Variants in TCF7L2 observed in about 807,000 individuals in gnomAD.
TCF7L2 encodes transcription factor 7-like 2.
In TCF7L2, 23 loss-of-function variants were observed where a neutral mutation model predicts 77.9. The ratio of observed to expected loss-of-function variants is 0.30; its 90% confidence interval spans 0.21 to 0.42. The LOEUF (loss-of-function observed/expected upper bound fraction) is 0.42, where lower values mean the gene tolerates loss of function less well. Ranked by LOEUF, TCF7L2 falls within the 10% of genes least tolerant of loss-of-function variation. The pLI is 1.00. For missense variants in TCF7L2, 654 were observed against 793.1 expected (o/e 0.82, Z 2.11); for synonymous variants, 413 against 340.2 (o/e 1.21, Z -2.36).
At chr10:113,127,843 G>A in intron 5 of TCF7L2, among the ~76,000 whole-genome samples, 1 of 144,802 alleles carries the variant, frequency 6.9e-6, no homozygotes, top group Admixed American at 6.9e-5. Flanking sequence ...TGTCTAGCAT[G>A]AGTTAGCTTA....
intron 4 of TCF7L2, among the ~76,000 whole-genome samples, chr10:112,991,523 GA>G (rs938937371): frequency 8.3e-5 from 12 of 144,214 alleles, no homozygotes; most frequent in Non-Finnish European, 1.5e-4. Flanking sequence ...AAAAAAGAAA[GA>G]AAAAAAAAGA....
chr10:113,072,497 G>C (rs1290681039), intron 5 of TCF7L2, among the ~76,000 whole-genome samples: 2 of 152,162 alleles, frequency 1.3e-5, no homozygotes, highest in Non-Finnish European at 2.9e-5. Flanking sequence ...TGGGATTACA[G>C]GCGTGTGCCA....
At chr10:113,123,686 T>C (rs1180244448) in intron 5 of TCF7L2, among the ~76,000 whole-genome samples, 2 of 152,218 alleles carry the variant, frequency 1.3e-5, no homozygotes, top group Non-Finnish European at 2.9e-5. Flanking sequence ...AAGTGAATCA[T>C]ATCTAGGCAA....
chr10:113,061,510 C>G (rs1465923462), intron 5 of TCF7L2, among the ~76,000 whole-genome samples: 1 of 152,126 alleles, frequency 6.6e-6, no homozygotes, highest in Non-Finnish European at 1.5e-5. Flanking sequence ...CCTCTTATGT[C>G]TAGGTGTGAG....
chr10:113,017,855 C>G (rs1317424544), intron 4 of TCF7L2, among the ~76,000 whole-genome samples: 1 of 152,214 alleles, frequency 6.6e-6, no homozygotes, highest in Non-Finnish European at 1.5e-5. Context: ...AACAGAGTTA[C>G]GTTTCTATTC....
intron 4 of TCF7L2, among the ~76,000 whole-genome samples, chr10:113,000,308 T>C (rs925292049): frequency 2.2e-4 from 33 of 152,130 alleles, no homozygotes; most frequent in African/African-American, 8.0e-4. Flanking sequence ...TTTGTCTAAT[T>C]CACTACCCAG....
chr10:113,053,874 AT>A (rs2054885574), intron 5 of TCF7L2, among the ~76,000 whole-genome samples: 1 of 152,206 alleles, frequency 6.6e-6, no homozygotes, highest in Non-Finnish European at 1.5e-5. Context: ...TGAGGGGAGG[AT>A]GACGTACTCA....
intron 3 of TCF7L2, among the ~76,000 whole-genome samples, chr10:112,953,622 C>T (rs1234103488): frequency 2.0e-5 from 3 of 152,154 alleles, no homozygotes; most frequent in Non-Finnish European, 2.9e-5. Context: ...TTTCTTGACT[C>T]TTTTTAAACT....
chr10:113,023,085 A>G (rs1427929612), intron 4 of TCF7L2, among the ~76,000 whole-genome samples: 1 of 152,166 alleles, frequency 6.6e-6, no homozygotes, highest in African/African-American at 2.4e-5. Context: ...GGGGCCGAGA[A>G]GAGGGCTTCT....
At chr10:112,962,115 G>C (rs543937057) in intron 3 of TCF7L2, among the ~76,000 whole-genome samples, 1 of 152,122 alleles carries the variant, frequency 6.6e-6, no homozygotes, top group South Asian at 2.1e-4. Flanking sequence ...ACCACAGTTT[G>C]ATTAATTTAT....
chr10:113,071,894 A>G (rs1348392878), intron 5 of TCF7L2, among the ~76,000 whole-genome samples: 1 of 152,172 alleles, frequency 6.6e-6, no homozygotes, highest in Admixed American at 6.5e-5. Flanking sequence ...GCTGGCTGGG[A>G]CTGTGGATGC....
chr10:112,961,040 G>A, intron 3 of TCF7L2, among the ~76,000 whole-genome samples: 1 of 150,992 alleles, frequency 6.6e-6, no homozygotes, highest in South Asian at 2.1e-4. Flanking sequence ...TTGAGACGGA[G>A]TTTTGCTCTT....
At position 113,152,377 on chromosome 10, in the gene TCF7L2, G is replaced by A. The variant is rs760896260; in HGVS notation, c.1206G>A (p.Leu402=). The A allele has an allele frequency of 4.0e-5, 65 of 1,614,080 alleles. No individual in the cohort carries two copies. The highest frequency in any genetic ancestry group is 5.2e-5 in the Non-Finnish European group (61 of 1,180,046). Residue 402 remains leucine, a synonymous_variant, in exon 11 of 14, where the codon CTG becomes CTA. Transcript: ENST00000627217. ...AAGAGCAAGCGAAATACTACGAGCT[G>A]GCCCGGAAGGAGCGACAGCTTCATA... is the stretch of plus-strand genomic sequence containing the variant.
intron 5 of TCF7L2, among the ~76,000 whole-genome samples, chr10:113,130,792 T>A (rs1458961001): frequency 6.6e-6 from 1 of 151,606 alleles, no homozygotes; most frequent in East Asian, 1.9e-4. Context: ...TGAGACGGAG[T>A]TTCGCTCTTA....
chr10:113,089,726 TA>T (rs2135623584), intron 5 of TCF7L2, among the ~76,000 whole-genome samples: 1 of 152,286 alleles, frequency 6.6e-6, no homozygotes, highest in Non-Finnish European at 1.5e-5. Context: ...ATCATAGCCA[TA>T]AAAACGCCTG....
In TCF7L2 at chr10:112,979,771, A is replaced by G. The variant is rs545085167; in HGVS notation, c.450+15147A>G. 3.3e-5 allele frequency among the ~76,000 whole-genome samples: 5 copies of G among 152,088 alleles called. No individual in the cohort carries two copies. In the South Asian group the frequency reaches 1.0e-3, roughly 32 times the overall value. On this transcript the variant is annotated intron_variant, in intron 4 of 13. Coordinates refer to ENST00000627217, the MANE Select transcript of TCF7L2 (RefSeq NM_001146274.2). ...ACCCTGTCTCAAAAAAAAATAAAAAAAATAAAAAAAATAAACGAAGACCTC... is the reference window on the plus strand; with the variant it reads ...ACCCTGTCTCAAAAAAAAATAAAAAGAATAAAAAAAATAAACGAAGACCTC...
intron 5 of TCF7L2, among the ~76,000 whole-genome samples, chr10:113,045,173 T>C (rs2053204646): frequency 6.6e-6 from 1 of 152,048 alleles, no homozygotes; most frequent in Non-Finnish European, 1.5e-5. Context: ...AAATATTTAG[T>C]GTGGGAAAAA....
chr10:112,968,017 T>C (rs2037393254), intron 4 of TCF7L2, among the ~76,000 whole-genome samples: 1 of 152,236 alleles, frequency 6.6e-6, no homozygotes, highest in South Asian at 2.1e-4. Flanking sequence ...ATAATATACA[T>C]GTAACATAGT....
rs139077421 is a variant in TCF7L2 at position 113,097,160 on chromosome 10, T to A, written c.553-44024T>A. 5.6e-4 allele frequency among the ~76,000 whole-genome samples: 85 copies of A among 152,286 alleles called. 1 individual carries two copies. Among genetic ancestry groups the A allele is most frequent in the African/African-American group, 1.9e-3 (80 of 41,562 alleles). On this transcript the variant is annotated intron_variant, in intron 5 of 13. Coordinates refer to ENST00000627217, the MANE Select transcript of TCF7L2 (RefSeq NM_001146274.2). The stretch of plus-strand genomic sequence containing the variant: ...AGTGCTCATCCCAGCTCCTGCCTGC[T>A]AGGTTTGTGGCAATATTTGTGGTAA...
Sources: gnomAD v4.1 joint callset for allele counts (sites outside exome capture counted in the v4.1 genomes callset) on GRCh38, gnomAD v4.1.1 for gene constraint, MANE v1.5 for transcripts, NCBI Gene and HGNC (gene_info 2026-07-23, HGNC 2026-07-21) for gene names.